The following CPNE8 variants were observed in gnomAD, a reference collection of about 807,000 sequenced individuals.
CPNE8 encodes the protein copine-8.
CPNE8 carries 45 observed loss-of-function variants against 81.5 expected under a neutral mutation model. The ratio of observed to expected loss-of-function variants is 0.55; its 90% CI spans 0.44 to 0.71. The LOEUF is 0.71. CPNE8 is among the 30% of genes least tolerant of loss of function. The pLI is 0.00. For synonymous variants in CPNE8, 252 were observed against 226.3 expected (o/e 1.11, Z -1.02); for missense variants, 594 against 672.1 (o/e 0.88, Z 1.28).
At chr12:38,797,733 A>G (rs1397808850) in intron 6 of CPNE8, among the ~76,000 whole-genome samples, 3 of 152,188 alleles carry the variant, frequency 2.0e-5, no homozygotes, top group Admixed American at 1.3e-4. Context: ...GGAAGGCTTC[A>G]GAAGATCAAA....
intron 6 of CPNE8, among the ~76,000 whole-genome samples, chr12:38,798,014 A>T (rs1225693821): frequency 6.6e-6 from 1 of 152,144 alleles, no homozygotes; most frequent in African/African-American, 2.4e-5. Context: ...GAATAAAAAG[A>T]AATGAAGAAA....
intron 10 of CPNE8, among the ~76,000 whole-genome samples, chr12:38,749,588 G>A (rs559053854): frequency 7.9e-5 from 12 of 152,178 alleles, no homozygotes; most frequent in Non-Finnish European, 1.6e-4. Context: ...TGAGGATGAC[G>A]TACTTGTTGG....
chr12:38,828,244 GCAT>G (rs1943231556), intron 6 of CPNE8, among the ~76,000 whole-genome samples: 1 of 152,116 alleles, frequency 6.6e-6, no homozygotes, highest in Non-Finnish European at 1.5e-5. Context: ...TAAAATATTT[GCAT>G]CTGCCTCACA....
chr12:38,677,835 A>G (rs1939326550), intron 16 of CPNE8, among the ~76,000 whole-genome samples: 1 of 151,960 alleles, frequency 6.6e-6, no homozygotes, highest in African/African-American at 2.4e-5. Context: ...GTACAAAGAA[A>G]TGGACATAGC....
chr12:38,829,048 T>C (rs1943244526), intron 6 of CPNE8, among the ~76,000 whole-genome samples: 1 of 152,214 alleles, frequency 6.6e-6, no homozygotes, highest in Non-Finnish European at 1.5e-5. Flanking sequence ...AACAGCAGTT[T>C]ACTACATATA....
chr12:38,698,476 C>T (rs541614434), intron 14 of CPNE8, among the ~76,000 whole-genome samples: 129 of 152,232 alleles, frequency 8.5e-4, no homozygotes, highest in Middle Eastern at 6.8e-3. Flanking sequence ...GAATCAACTG[C>T]CAAATCCAAG....
At position 38,791,217 on chromosome 12, in the gene CPNE8, C is replaced by G. The variant is rs529700173; in HGVS notation, c.408-14916G>C. The stretch of plus-strand genomic sequence containing the variant: ...CTTAAGGAGTCACTTGAACTCAGAA[C>G]AGATGTTTCATTTCTCCCAGACTTT... On this transcript the variant is annotated intron_variant, in intron 6 of 19. Coordinates refer to ENST00000331366, the MANE Select transcript of CPNE8 (RefSeq NM_153634.3). Among the ~76,000 whole-genome samples the G allele has an allele frequency of 8.6e-5, 13 of 151,634 alleles. No individual in the cohort carries two copies. In the South Asian group the frequency reaches 2.1e-3, roughly 24 times the overall value.
intron 8 of CPNE8, among the ~76,000 whole-genome samples, chr12:38,764,794 T>C (rs1941651562): frequency 6.6e-6 from 1 of 152,112 alleles, no homozygotes; most frequent in Non-Finnish European, 1.5e-5. Flanking sequence ...TATTCTAATA[T>C]ATAGCAAGTC....
intron 7 of CPNE8, among the ~76,000 whole-genome samples, chr12:38,774,612 AT>A (rs11438891): frequency 2.7e-5 from 4 of 150,612 alleles, no homozygotes; most frequent in African/African-American, 9.7e-5. Context: ...GGACTGGAAG[AT>A]TTTTTTTTTA....
intron 19 of CPNE8, among the ~76,000 whole-genome samples, chr12:38,659,930 G>C (rs1591994004): frequency 1.3e-5 from 2 of 152,094 alleles, no homozygotes; most frequent in East Asian, 3.9e-4. Flanking sequence ...CCTCTTCAAG[G>C]AGAACTACAA....
chr12:38,796,131 TA>T (rs1202778693), intron 6 of CPNE8, among the ~76,000 whole-genome samples: 1 of 151,790 alleles, frequency 6.6e-6, no homozygotes, highest in East Asian at 1.9e-4. Flanking sequence ...ACCAAAAACA[TA>T]AAAAATTAGC....
chr12:38,679,664 C>A (rs1202226741), intron 16 of CPNE8: 1 of 984,850 alleles, frequency 1.0e-6, no homozygotes, highest in Non-Finnish European at 1.2e-6. Context: ...GTTGTTGCTT[C>A]TTTGGCACTT....
At chr12:38,768,680 C>T (rs1310318308) in intron 7 of CPNE8, among the ~76,000 whole-genome samples, 1 of 150,728 alleles carries the variant, frequency 6.6e-6, no homozygotes, top group East Asian at 2.0e-4. Flanking sequence ...CTGCCACGCC[C>T]GGCTAATTTT....
intron 15 of CPNE8, 144 bp downstream of exon 15, chr12:38,693,513 C>T: frequency 1.6e-6 from 1 of 618,670 alleles, no homozygotes; most frequent in Non-Finnish European, 2.6e-6. Context: ...ATTAAGTTCA[C>T]ACTCCAAAGT....
chr12:38,709,951 G>A (rs1389250075), intron 13 of CPNE8, among the ~76,000 whole-genome samples: 1 of 151,790 alleles, frequency 6.6e-6, no homozygotes. Flanking sequence ...TGGATTCCTG[G>A]GGATCAGTGA....
chr12:38,670,642 T>C (rs1939153391), intron 19 of CPNE8, 87 bp downstream of exon 19: 1 of 836,006 alleles, frequency 1.2e-6, no homozygotes, highest in Admixed American at 2.6e-5. Flanking sequence ...CATTAAAAAG[T>C]CTGTTATATT....
At chr12:38,657,367 T>A (rs755399627) in intron 19 of CPNE8, among the ~76,000 whole-genome samples, 20 of 152,042 alleles carry the variant, frequency 1.3e-4, no homozygotes, top group Non-Finnish European at 1.9e-4. Context: ...GTAAACAAAG[T>A]GGCAAGGAAG....
rs115747920 is a variant in CPNE8, at chr12:38,701,928, C to A, written c.961+947G>T. 5.3e-3 allele frequency among the ~76,000 whole-genome samples: 807 copies of A among 152,266 alleles called. 4 individuals are homozygous for A. The highest frequency in any genetic ancestry group is 0.018 in the African/African-American group (765 of 41,554). ...TTAGAGTCTGGTCTTATCTGTAGTTCTAACTCTAGAACTAACAAGTCAAGT... is the reference window on the plus strand; with the variant it reads ...TTAGAGTCTGGTCTTATCTGTAGTTATAACTCTAGAACTAACAAGTCAAGT... On this transcript the variant is annotated intron_variant, in intron 14 of 19. Coordinates refer to ENST00000331366, the MANE Select transcript of CPNE8 (RefSeq NM_153634.3).
intron 3 of CPNE8, among the ~76,000 whole-genome samples, chr12:38,857,495 T>G (rs1943761100): frequency 6.6e-6 from 1 of 152,156 alleles, no homozygotes; most frequent in Admixed American, 6.5e-5. Context: ...AATGTCGATA[T>G]TCTGGTTGTG....
Sources: allele counts gnomAD v4.1 joint callset (sites outside exome capture counted in the v4.1 genomes callset), GRCh38; gene constraint gnomAD v4.1.1; transcripts MANE v1.5; gene names NCBI Gene and HGNC (gene_info 2026-07-23, HGNC 2026-07-21).